PPHLN1: variants seen among roughly 807,000 people sequenced by gnomAD.
PPHLN1 encodes periphilin-1.
In PPHLN1, 29 loss-of-function variants were observed where a neutral mutation model predicts 51.3. The ratio of observed to expected loss-of-function variants is 0.57; its 90% confidence interval spans 0.42 to 0.77. The LOEUF is 0.77. Ranked by LOEUF, PPHLN1 falls within the 30% of genes least tolerant of loss-of-function variation. The pLI is 0.00. For synonymous variants in PPHLN1, 147 were observed against 147.8 expected (o/e 0.99, Z 0.04); for missense variants, 436 against 438.4 (o/e 0.99, Z 0.05).
chr12:42,390,595 A>C (rs564645540), intron 7 of PPHLN1, among the ~76,000 whole-genome samples: 2 of 151,862 alleles, frequency 1.3e-5, no homozygotes, highest in African/African-American at 2.4e-5. Flanking sequence ...TCTACATGCA[A>C]CTGTGGCCCA....
intron 9 of PPHLN1, among the ~76,000 whole-genome samples, chr12:42,413,412 A>T (rs1177872761): frequency 6.6e-6 from 1 of 152,080 alleles, no homozygotes; most frequent in Non-Finnish European, 1.5e-5. Flanking sequence ...TTTGTTGAAG[A>T]ACAGTTAATT....
At chr12:42,446,060 C>T (rs1276080860), downstream of PPHLN1, 1 of 1,550,722 alleles carries the variant, frequency 6.4e-7, no homozygotes, top group Non-Finnish European at 8.7e-7. Flanking sequence ...GGAAACGACC[C>T]TGCAGGCCCC....
chr12:42,348,169 G>A (rs2072649213), intron 2 of PPHLN1, among the ~76,000 whole-genome samples: 1 of 151,630 alleles, frequency 6.6e-6, no homozygotes, highest in African/African-American at 2.4e-5. Context: ...GGAGTGCAGT[G>A]GTGCGAGCTC....
intron 9 of PPHLN1, among the ~76,000 whole-genome samples, chr12:42,437,072 A>G (rs946451068): frequency 6.6e-6 from 1 of 152,070 alleles, no homozygotes; most frequent in African/African-American, 2.4e-5. Flanking sequence ...GATACATCCA[A>G]AGGTTCCAAT....
chr12:42,365,127 T>TA (rs1385674653), intron 4 of PPHLN1, among the ~76,000 whole-genome samples: 3 of 152,304 alleles, frequency 2.0e-5, no homozygotes, highest in Admixed American at 6.5e-5. Context: ...GAAGAGGTGA[T>TA]ATGGAAAATT....
intron 2 of PPHLN1, among the ~76,000 whole-genome samples, chr12:42,349,699 T>G (rs569036484): frequency 6.6e-6 from 1 of 152,088 alleles, no homozygotes; most frequent in South Asian, 2.1e-4. Flanking sequence ...ACACAGCACA[T>G]GTTTCAGAGA....
intron 3 of PPHLN1, among the ~76,000 whole-genome samples, chr12:42,352,836 C>T (rs1024249702): frequency 1.3e-5 from 2 of 152,040 alleles, no homozygotes; most frequent in Admixed American, 1.3e-4. Flanking sequence ...CACCTGTAAT[C>T]CCAGCACTTT....
At chr12:42,388,570 G>A (rs569778287) in intron 7 of PPHLN1, among the ~76,000 whole-genome samples, 1 of 152,202 alleles carries the variant, frequency 6.6e-6, no homozygotes, top group East Asian at 1.9e-4. Context: ...GCTGGTGCAG[G>A]TCCTTATTAT....
At chr12:42,376,594 C>T (rs1314886385) in intron 5 of PPHLN1, among the ~76,000 whole-genome samples, 1 of 152,072 alleles carries the variant, frequency 6.6e-6, no homozygotes, top group Non-Finnish European at 1.5e-5. Flanking sequence ...TGAGACCAGC[C>T]TGGGCAAACA....
chr12:42,348,177 C>T (rs1025987921), intron 2 of PPHLN1, among the ~76,000 whole-genome samples: 1 of 151,784 alleles, frequency 6.6e-6, no homozygotes, highest in Non-Finnish European at 1.5e-5. Context: ...GTGGTGCGAG[C>T]TCAGCTCACT....
At chr12:42,349,450 C>A (rs143213325) in intron 2 of PPHLN1, among the ~76,000 whole-genome samples, 1,960 of 151,236 alleles carry the variant, frequency 0.013, 50 homozygotes, top group African/African-American at 0.044. Context: ...GGGTGTTTCT[C>A]GGAGAGGGGG....
downstream of PPHLN1, chr12:42,443,068 CTTTGG>C: frequency 4.3e-6 from 1 of 234,426 alleles, no homozygotes; most frequent in South Asian, 6.9e-5. Flanking sequence ...GTTAAGGCTA[CTTTGG>C]CCTTGCTCTA....
chr12:42,365,965 A>G (rs1201773798), intron 4 of PPHLN1, among the ~76,000 whole-genome samples: 1 of 152,312 alleles, frequency 6.6e-6, no homozygotes, highest in South Asian at 2.1e-4. Flanking sequence ...CTAGAAACCT[A>G]TAGTTTTGAA....
At chr12:42,442,448 G>A (rs916557457), downstream of PPHLN1, among the ~76,000 whole-genome samples, 16 of 152,192 alleles carry the variant, frequency 1.1e-4, no homozygotes, top group Non-Finnish European at 2.4e-4. Context: ...AAAGGGGGGC[G>A]ACAATGTTCA....
At chr12:42,375,151 G>T in intron 5 of PPHLN1, 77 bp downstream of exon 5, 1 of 1,127,978 alleles carries the variant, frequency 8.9e-7, no homozygotes, top group Non-Finnish European at 1.2e-6. Flanking sequence ...TTTCCTTCTA[G>T]GTGTAAGAGA....
intron 2 of PPHLN1, among the ~76,000 whole-genome samples, chr12:42,342,304 A>C (rs1432165122): frequency 6.6e-6 from 1 of 152,140 alleles, no homozygotes; most frequent in African/African-American, 2.4e-5. Context: ...CATCCAGCTG[A>C]AGTGCAGTGG....
intron 4 of PPHLN1, among the ~76,000 whole-genome samples, chr12:42,358,999 AATT>A (rs1272188319): frequency 1.3e-5 from 2 of 152,086 alleles, no homozygotes; most frequent in African/African-American, 4.8e-5. Flanking sequence ...TAATTTAGAT[AATT>A]ATTTTTCTTT....
At chr12:42,437,747 G>A (rs1207094981) in intron 9 of PPHLN1, among the ~76,000 whole-genome samples, 1 of 152,086 alleles carries the variant, frequency 6.6e-6, no homozygotes, top group Non-Finnish European at 1.5e-5. Context: ...TGTGAATTTT[G>A]ACAAATGTAT....
At chr12:42,424,569 T>C (rs2081265522) in intron 9 of PPHLN1, among the ~76,000 whole-genome samples, 1 of 152,164 alleles carries the variant, frequency 6.6e-6, no homozygotes, top group Admixed American at 6.5e-5. Flanking sequence ...ATAATGTAAA[T>C]ACAGCTTCAG....
Sources: allele counts gnomAD v4.1 joint callset (sites outside exome capture counted in the v4.1 genomes callset), GRCh38; gene constraint gnomAD v4.1.1; transcripts MANE v1.5; gene names NCBI Gene and HGNC (gene_info 2026-07-23, HGNC 2026-07-21).